The following DDX31 variants were observed in gnomAD, a reference collection of about 807,000 sequenced individuals.
DDX31 encodes ATP-dependent DNA helicase DDX31.
In DDX31, 70 loss-of-function variants were observed where a neutral mutation model predicts 91.3. The observed-to-expected ratio is 0.77, with a 90% CI of 0.63 to 0.94. DDX31 has a LOEUF of 0.94. DDX31 is among the 40% of genes least tolerant of loss of function. DDX31 has a pLI of 0.00. For missense variants in DDX31, 902 were observed against 925.0 expected (o/e 0.98, Z 0.32); for synonymous variants, 362 against 350.6 (o/e 1.03, Z -0.36).
intron 10 of DDX31, 53 bp from the exon 11 acceptor site, chr9:132,648,348 G>T: frequency 6.2e-7 from 1 of 1,606,684 alleles, no homozygotes; most frequent in East Asian, 2.2e-5. Context: ...AGCAGATGTG[G>T]TCTAAGGGGC....
chr9:132,647,553 G>C (rs1328201039), intron 11 of DDX31, among the ~76,000 whole-genome samples: 1 of 152,122 alleles, frequency 6.6e-6, no homozygotes, highest in Non-Finnish European at 1.5e-5. Flanking sequence ...AACTGTGAGG[G>C]ACCACATGCA....
Position 132,619,712 on chromosome 9 carries a change from T to A in DDX31, c.1714-1271A>T, listed in dbSNP as rs375003497. ...CCTAAGGGTTCTATCCGCTAAAATGTCAGGAGAAGAGTCACTCAGGAGCCG... is the reference window on the plus strand; with the variant it reads ...CCTAAGGGTTCTATCCGCTAAAATGACAGGAGAAGAGTCACTCAGGAGCCG... On this transcript the variant is annotated intron_variant, in intron 17 of 19. Transcript: ENST00000372159. Among the ~76,000 whole-genome samples the A allele has an allele frequency of 6.6e-5, 10 of 152,248 alleles. No homozygotes were observed. The East Asian group carries it at 9.6e-4, about 15-fold the overall frequency.
At position 132,630,261 on chromosome 9, in the gene DDX31, CACTT is replaced by C; in HGVS notation, c.1630_1631+2del. 21 of 1,573,162 alleles carry C rather than the reference CACTT, an allele frequency of 1.3e-5. No homozygotes were observed. The highest frequency in any genetic ancestry group is 1.8e-5 in the Non-Finnish European group (21 of 1,148,748). On this transcript the variant is annotated splice_donor_variant and coding_sequence_variant, in exon 16 of 20. Transcript: ENST00000372159. LOFTEE classifies it high-confidence loss of function. ...CGAAACCCCATTCAGGTTTCTGACT[CACTT>C]GATTTTGTGAGAAGCCAACGAGTTG... is the stretch of plus-strand genomic sequence containing the variant.
chr9:132,638,350 G>C lies in DDX31; in HGVS notation c.1440+3654C>G, dbSNP rs36103714. The C allele has an allele frequency of 1.9e-6, 3 of 1,614,168 alleles. No individual in the cohort carries two copies. The South Asian group carries it at 3.3e-5, about 18-fold the overall frequency. ...AGCAAGGTTCCTTTCCTCTGGCTTAGGGTGAGTTCTTCACTGTAAGTAGGA... is the reference window on the plus strand; with the variant it reads ...AGCAAGGTTCCTTTCCTCTGGCTTACGGTGAGTTCTTCACTGTAAGTAGGA... On this transcript the variant is annotated intron_variant, in intron 14 of 19. Transcript: ENST00000372159.
intron 6 of DDX31, among the ~76,000 whole-genome samples, chr9:132,652,739 G>C (rs1191785817): frequency 1.3e-5 from 2 of 151,972 alleles, no homozygotes; most frequent in East Asian, 1.9e-4. Context: ...GGTGGTAATT[G>C]AATCAGGGGG....
intron 19 of DDX31, among the ~76,000 whole-genome samples, chr9:132,609,632 T>C (rs74511240): frequency 1.3e-5 from 2 of 152,144 alleles, no homozygotes; most frequent in Non-Finnish European, 2.9e-5. Context: ...CTTTTTTTTT[T>C]CTTCTTTGAG....
At position 132,594,648 on chromosome 9, in the gene DDX31, C is replaced by T. The variant is rs911787129; in HGVS notation, c.*218G>A. On this transcript the variant is annotated 3_prime_UTR_variant, in exon 20 of 20. Transcript: ENST00000372159. ...AATACAAGACACAGACCCCTTCCGT[C>T]GGGAGCTGGCTAGTCTCTACAGTGC... is the stretch of plus-strand genomic sequence containing the variant. 8 of 665,070 alleles carry T rather than the reference C, an allele frequency of 1.2e-5. No homozygotes were observed. The highest frequency in any genetic ancestry group is 3.9e-5 in the South Asian group (2 of 51,458). 41.2% of individuals were successfully genotyped at this position (665,070 alleles called of 1,614,324 possible). A position where few individuals can be genotyped will look rare whatever the true frequency, so the allele number is the denominator to read the frequency against.
Position 132,646,914 on chromosome 9 carries a change from G to A in DDX31, c.1112C>T (p.Ala371Val). Residue 371 changes from alanine (A) to valine (V), a missense_variant, in exon 12 of 20, where the codon GCA (alanine) becomes GTA (valine). Ala to Val is a moderately conservative substitution (Grantham distance 64, BLOSUM62 0). Coordinates refer to ENST00000372159, the MANE Select transcript of DDX31 (RefSeq NM_022779.9). ...ATGCTGCTTGAGACTCTCTGGTATT[G>A]CAAAGCTGTCCAGCTTGTCGCCAGC... ...PPAGDKLDSF[A>V]IPESLKQHVT... The A allele has an allele frequency of 6.2e-7, 1 of 1,614,164 alleles. No individual in the cohort carries two copies. Among genetic ancestry groups the A allele is most frequent in the Non-Finnish European group, 8.5e-7 (1 of 1,180,036 alleles).
At chr9:132,609,061 GGGAGGATCTAA>G (rs1481488506) in intron 19 of DDX31, among the ~76,000 whole-genome samples, 1 of 152,300 alleles carries the variant, frequency 6.6e-6, no homozygotes, top group East Asian at 1.9e-4. Context: ...CAGGGGTGGG[GGGAGGATCTAA>G]GGAGTGTGAA....
intron 14 of DDX31, among the ~76,000 whole-genome samples, chr9:132,632,771 T>C (rs1329537554): frequency 1.3e-5 from 2 of 152,210 alleles, no homozygotes; most frequent in African/African-American, 2.4e-5. Context: ...AGCCCATTAA[T>C]CGCTTCAAAG....
At chr9:132,640,722 G>C (rs1308201552) in intron 14 of DDX31, among the ~76,000 whole-genome samples, 3 of 152,050 alleles carry the variant, frequency 2.0e-5, no homozygotes, top group Non-Finnish European at 4.4e-5. Flanking sequence ...TGCTCAGGCT[G>C]GTCGTGAACT....
In DDX31 at chr9:132,662,032, C is replaced by CA. The variant is rs560319322; in HGVS notation, c.408+228dup. ...TTAAAAAAACACACACACAAAAACA[C>CA]AAAAAAACAGAGGATGGGGGAAGGG... On this transcript the variant is annotated intron_variant, in intron 3 of 19. Coordinates refer to ENST00000372159, the MANE Select transcript of DDX31 (RefSeq NM_022779.9). Among the ~76,000 whole-genome samples the CA allele has an allele frequency of 4.6e-5, 7 of 151,890 alleles. No homozygotes were observed. In the East Asian group the frequency reaches 1.2e-3, roughly 25 times the overall value.
rs1356833452 is a variant in DDX31, at chr9:132,616,732, T to TCGGGAA, written c.1825+1597_1825+1598insTTCCCG. ...TAGAGGTAGCAAGGTAGGAAAACCC[T>TCGGGAA]TGGGAATTGTTGAATTCCCTTTAGG... On this transcript the variant is annotated intron_variant, in intron 18 of 19. Transcript: ENST00000372159. 2.6e-3 allele frequency among the ~76,000 whole-genome samples: 387 copies of TCGGGAA among 146,400 alleles called. 3 individuals are homozygous for TCGGGAA. The highest frequency in any genetic ancestry group is 3.7e-3 in the Non-Finnish European group (239 of 65,108).
intron 3 of DDX31, among the ~76,000 whole-genome samples, chr9:132,661,872 T>C (rs1834977341): frequency 6.6e-6 from 1 of 152,102 alleles, no homozygotes; most frequent in Non-Finnish European, 1.5e-5. Flanking sequence ...CAGTTCCCTC[T>C]CCTATGGCCA....
chr9:132,628,191 C>T (rs937589977), intron 16 of DDX31, among the ~76,000 whole-genome samples: 1 of 152,238 alleles, frequency 6.6e-6, no homozygotes, highest in East Asian at 1.9e-4. Flanking sequence ...ACCCACGAGG[C>T]AGCAGCAGTC....
chr9:132,598,463 G>C (rs1179344607), intron 19 of DDX31, among the ~76,000 whole-genome samples: 1 of 152,158 alleles, frequency 6.6e-6, no homozygotes, highest in Non-Finnish European at 1.5e-5. Flanking sequence ...GAACTCCCTT[G>C]TAGTGAAGGC....
chr9:132,608,047 A>T (rs1831118877), intron 19 of DDX31, among the ~76,000 whole-genome samples: 1 of 152,198 alleles, frequency 6.6e-6, no homozygotes, highest in Non-Finnish European at 1.5e-5. Context: ...TCCTGGAAAG[A>T]TGGGGACTTT....
intron 1 of DDX31, among the ~76,000 whole-genome samples, chr9:132,666,948 C>G (rs1336661819): frequency 6.6e-6 from 1 of 151,974 alleles, no homozygotes. Context: ...CTCCTGACCT[C>G]GTGATCCACC....
Position 132,648,015 on chromosome 9 carries a change from G to C in DDX31, c.967+174C>G, listed in dbSNP as rs12347898. Among the ~76,000 whole-genome samples the C allele has an allele frequency of 5.3e-3, 812 of 152,236 alleles. 10 individuals carry two copies. The highest frequency in any genetic ancestry group is 0.018 in the African/African-American group (760 of 41,528). ...TATCTGTCTTGGATGACTTGCAGAG[G>C]GAAGTTGGGAGTGTAGAACATAGAG... On this transcript the variant is annotated intron_variant, in intron 11 of 19. Coordinates refer to ENST00000372159, the MANE Select transcript of DDX31 (RefSeq NM_022779.9).
Sources: allele counts gnomAD v4.1 joint callset (sites outside exome capture counted in the v4.1 genomes callset), GRCh38; gene constraint gnomAD v4.1.1; transcripts MANE v1.5; gene names NCBI Gene and HGNC (gene_info 2026-07-23, HGNC 2026-07-21).